The following CACNB2 variants were observed in gnomAD, a reference collection of about 807,000 sequenced individuals.
CACNB2 encodes calcium voltage-gated channel auxiliary subunit beta 2.
A neutral mutation model predicts 73.3 loss-of-function variants in CACNB2; 42 were observed. The observed-to-expected ratio is 0.57, with a 90% CI of 0.45 to 0.74. CACNB2 has a LOEUF of 0.74. Ranked by LOEUF, CACNB2 falls within the 30% of genes least tolerant of loss-of-function variation. The pLI, the probability that CACNB2 is intolerant of heterozygous loss-of-function variation, is 0.00. For missense variants in CACNB2, 940 were observed against 853.0 expected, an observed-to-expected ratio of 1.10 and a Z score of -1.27; for synonymous variants, 348 against 310.3, an observed-to-expected ratio of 1.12 and a Z score of -1.28.
chr10:18,440,913 A>G (rs1328473855), intron 3 of CACNB2, among the ~76,000 whole-genome samples: 1 of 152,224 alleles, frequency 6.6e-6, no homozygotes, highest in Non-Finnish European at 1.5e-5. Flanking sequence ...TGTGAATGTT[A>G]GAACATCTGA....
At chr10:18,380,881 T>C (rs1451644158) in intron 2 of CACNB2, among the ~76,000 whole-genome samples, 1 of 152,106 alleles carries the variant, frequency 6.6e-6, no homozygotes, top group Non-Finnish European at 1.5e-5. Flanking sequence ...GATCCTACTT[T>C]TAAAGAAAAT....
intron 3 of CACNB2, among the ~76,000 whole-genome samples, chr10:18,403,913 A>G (rs1337968555): frequency 1.3e-5 from 2 of 151,982 alleles, no homozygotes; most frequent in African/African-American, 2.4e-5. Context: ...AACCTATTTG[A>G]TAGCACAATA....
chr10:18,442,972 G>GTATATATATATGTATA (rs2046521241), intron 3 of CACNB2, among the ~76,000 whole-genome samples: 1 of 13,532 alleles, frequency 7.4e-5, no homozygotes, highest in Non-Finnish European at 1.2e-4. Flanking sequence ...ATATATATGT[G>GTATATATATATGTATA]TATATATATA....
chr10:18,405,464 T>A (rs2044238164), intron 3 of CACNB2, among the ~76,000 whole-genome samples: 1 of 152,240 alleles, frequency 6.6e-6, no homozygotes, highest in African/African-American at 2.4e-5. Context: ...TGTATATATT[T>A]TTTTGTGTGT....
At chr10:18,486,776 G>A (rs1167735341) in intron 3 of CACNB2, among the ~76,000 whole-genome samples, 1 of 152,184 alleles carries the variant, frequency 6.6e-6, no homozygotes, top group African/African-American at 2.4e-5. Context: ...AATTTGGGGA[G>A]CTTGAACAGA....
At position 18,259,085 on chromosome 10, in the gene CACNB2, G is replaced by C. The variant is rs185475227; in HGVS notation, c.213+108110G>C. 2.3e-4 allele frequency among the ~76,000 whole-genome samples: 35 copies of C among 152,148 alleles called. 1 individual carries two copies. In the East Asian group the frequency reaches 4.2e-3, roughly 18 times the overall value. On this transcript the variant is annotated intron_variant, in intron 2 of 13. Coordinates refer to ENST00000324631, the MANE Select transcript of CACNB2 (RefSeq NM_201596.3). The stretch of plus-strand genomic sequence containing the variant: ...ATGATAGGACCATAGAATTTTCACA[G>C]ACTATGTAGATTATATAAGTTTCAG...
intron 2 of CACNB2, among the ~76,000 whole-genome samples, chr10:18,204,391 C>T (rs374085285): frequency 1.2e-4 from 18 of 152,180 alleles, no homozygotes; most frequent in East Asian, 3.9e-4. Context: ...ATAGGTGGAC[C>T]TAACATTATT....
chr10:18,414,278 A>T (rs1213721459), intron 3 of CACNB2, among the ~76,000 whole-genome samples: 2 of 152,172 alleles, frequency 1.3e-5, no homozygotes, highest in African/African-American at 4.8e-5. Context: ...TATCAAGAGC[A>T]ATTGAACTCT....
At chr10:18,476,170 G>A (rs1054799464) in intron 3 of CACNB2, among the ~76,000 whole-genome samples, 2 of 152,166 alleles carry the variant, frequency 1.3e-5, no homozygotes, top group African/African-American at 4.8e-5. Flanking sequence ...ACTATATAGG[G>A]TAACTTCCTG....
intron 3 of CACNB2, among the ~76,000 whole-genome samples, chr10:18,431,248 T>C (rs1468821340): frequency 6.6e-6 from 1 of 152,194 alleles, no homozygotes; most frequent in African/African-American, 2.4e-5. Context: ...CCCAAAGTGC[T>C]GGGATTTTAG....
At chr10:18,312,583 T>C (rs1007279424) in intron 2 of CACNB2, among the ~76,000 whole-genome samples, 7 of 152,332 alleles carry the variant, frequency 4.6e-5, no homozygotes, top group Non-Finnish European at 8.8e-5. Flanking sequence ...TTTAAGTGTG[T>C]GTGTTTGAAG....
chr10:18,380,459 T>C (rs979288284), intron 2 of CACNB2, among the ~76,000 whole-genome samples: 3 of 145,480 alleles, frequency 2.1e-5, no homozygotes, highest in African/African-American at 7.7e-5. Context: ...TTTCTTTTTT[T>C]TTTTTTTTTT....
intron 3 of CACNB2, among the ~76,000 whole-genome samples, chr10:18,466,330 G>A (rs1332299061): frequency 2.0e-5 from 3 of 152,032 alleles, no homozygotes; most frequent in Admixed American, 6.6e-5. Context: ...CAAACTTCTG[G>A]ACTGAAGCAA....
chr10:18,299,118 A>T (rs1421798503), intron 2 of CACNB2, among the ~76,000 whole-genome samples: 1 of 151,440 alleles, frequency 6.6e-6, no homozygotes, highest in Non-Finnish European at 1.5e-5. Context: ...AAAAAATAAA[A>T]TAAAAAAAGA....
At chr10:18,328,696 T>C (rs1274780247) in intron 2 of CACNB2, among the ~76,000 whole-genome samples, 3 of 152,156 alleles carry the variant, frequency 2.0e-5, no homozygotes, top group Non-Finnish European at 4.4e-5. Context: ...AAGAGACTTG[T>C]ACATTGAAGT....
chr10:18,513,101 C>CTTTTT (rs71402179), intron 6 of CACNB2: 2,469 of 114,242 alleles, frequency 0.022, 115 homozygotes, highest in African/African-American at 0.075. Flanking sequence ...TGACCATAAC[C>CTTTTT]TTTTTTTTTT....
At chr10:18,435,965 C>T (rs948719957) in intron 3 of CACNB2, among the ~76,000 whole-genome samples, 2 of 152,198 alleles carry the variant, frequency 1.3e-5, no homozygotes, top group African/African-American at 2.4e-5. Flanking sequence ...CAGAACACAG[C>T]GGTTTTGCAT....
At chr10:18,393,363 T>C (rs1233774495) in intron 2 of CACNB2, among the ~76,000 whole-genome samples, 1 of 152,230 alleles carries the variant, frequency 6.6e-6, no homozygotes, top group Non-Finnish European at 1.5e-5. Flanking sequence ...ATTGCCCCTC[T>C]AATTTTAACT....
intron 2 of CACNB2, among the ~76,000 whole-genome samples, chr10:18,334,670 G>A (rs1392239395): frequency 6.6e-6 from 1 of 152,022 alleles, no homozygotes; most frequent in Non-Finnish European, 1.5e-5. Context: ...CTGCCCACTA[G>A]ATTCCAGTAA....
Sources: allele counts gnomAD v4.1 joint callset (sites outside exome capture counted in the v4.1 genomes callset), GRCh38; gene constraint gnomAD v4.1.1; transcripts MANE v1.5; gene names NCBI Gene and HGNC (gene_info 2026-07-23, HGNC 2026-07-21).